DAB1: variants seen among roughly 807,000 people sequenced by gnomAD.
DAB1 encodes the protein disabled homolog 1.
In DAB1, 15 loss-of-function variants were observed where a neutral mutation model predicts 64.6. The ratio of observed to expected loss-of-function variants is 0.23; its 90% CI spans 0.16 to 0.36. DAB1 has a LOEUF of 0.36. DAB1 is among the 10% of genes least tolerant of loss of function. The pLI, the probability that DAB1 is intolerant of heterozygous loss-of-function variation, is 1.00. For synonymous variants in DAB1, 235 were observed against 251.9 expected (o/e 0.93, Z 0.64); for missense variants, 596 against 706.7 (o/e 0.84, Z 1.78).
At chr1:57,908,116 G>A (rs995371317) in intron 5 of DAB1, among the ~76,000 whole-genome samples, 3 of 151,910 alleles carry the variant, frequency 2.0e-5, no homozygotes, top group Non-Finnish European at 4.4e-5. Context: ...ATTGTGCAGG[G>A]CATGACTAAA....
intron 4 of DAB1, among the ~76,000 whole-genome samples, chr1:58,175,927 A>T (rs916595229): frequency 1.3e-5 from 2 of 152,214 alleles, no homozygotes; most frequent in African/African-American, 2.4e-5. Context: ...CCAAGGTTTT[A>T]AAAAGGAAGC....
intron 7 of DAB1, among the ~76,000 whole-genome samples, chr1:57,431,470 T>A (rs894544977): frequency 1.3e-5 from 2 of 152,134 alleles, no homozygotes; most frequent in Admixed American, 1.3e-4. Context: ...AATGAAAAAA[T>A]ATTTCTATGC....
intron 4 of DAB1, among the ~76,000 whole-genome samples, chr1:57,096,768 G>A (rs978458886): frequency 6.6e-6 from 1 of 152,042 alleles, no homozygotes; most frequent in Admixed American, 6.6e-5. Context: ...TGCCTGCATT[G>A]TTCACTACTA....
intron 4 of DAB1, among the ~76,000 whole-genome samples, chr1:58,312,626 T>C (rs190124205): frequency 1.5e-3 from 232 of 152,294 alleles, no homozygotes; most frequent in Middle Eastern, 6.8e-3. Context: ...TGAGAGTCAA[T>C]GCAAAGGGTG....
intron 1 of DAB1, among the ~76,000 whole-genome samples, chr1:57,416,607 C>G (rs987269403): frequency 2.6e-5 from 4 of 152,104 alleles, no homozygotes; most frequent in Non-Finnish European, 4.4e-5. Context: ...TATTATAATT[C>G]ACTCCCAAAT....
intron 14 of DAB1, among the ~76,000 whole-genome samples, chr1:57,006,369 T>C (rs1277716695): frequency 6.6e-6 from 1 of 152,234 alleles, no homozygotes; most frequent in Admixed American, 6.5e-5. Context: ...ATGCTGCTTG[T>C]GTTCCTTAGC....
intron 3 of DAB1, among the ~76,000 whole-genome samples, chr1:57,139,941 G>A (rs1008551074): frequency 5.3e-5 from 8 of 152,230 alleles, no homozygotes; most frequent in African/African-American, 1.9e-4. Flanking sequence ...TATCTTTGGG[G>A]AAAGAAAAGT....
chr1:57,151,876 C>T (rs1432618059), intron 2 of DAB1, among the ~76,000 whole-genome samples: 2 of 137,400 alleles, frequency 1.5e-5, no homozygotes, highest in South Asian at 2.3e-4. Context: ...TGCAGTAGCT[C>T]GATCTCTGCT....
At chr1:58,228,014 G>A (rs1184800822) in intron 4 of DAB1, among the ~76,000 whole-genome samples, 1 of 152,220 alleles carries the variant, frequency 6.6e-6, no homozygotes, top group Non-Finnish European at 1.5e-5. Flanking sequence ...TGGACTCCCT[G>A]AGGCGAGGGT....
chr1:58,306,796 G>C (rs903954095), intron 4 of DAB1, among the ~76,000 whole-genome samples: 1 of 152,168 alleles, frequency 6.6e-6, no homozygotes, highest in South Asian at 2.1e-4. Flanking sequence ...CATTATTAAT[G>C]CCCACAGTAT....
intron 3 of DAB1, among the ~76,000 whole-genome samples, chr1:58,463,577 C>T (rs374069905): frequency 6.4e-4 from 97 of 152,366 alleles, no homozygotes; most frequent in African/African-American, 2.3e-3. Context: ...CACCCACATA[C>T]TGAGTCTCAT....
chr1:57,233,684 G>C (rs1024523549), intron 2 of DAB1, among the ~76,000 whole-genome samples: 2 of 151,600 alleles, frequency 1.3e-5, no homozygotes, highest in African/African-American at 4.8e-5. Flanking sequence ...GCTTGAACCT[G>C]GGAGGCGGAA....
intron 6 of DAB1, among the ~76,000 whole-genome samples, chr1:57,751,967 G>T (rs1648575100): frequency 6.6e-6 from 1 of 152,258 alleles, no homozygotes; most frequent in Non-Finnish European, 1.5e-5. Flanking sequence ...GACTGAAACA[G>T]AGATGGCTTC....
In DAB1 at chr1:57,602,669, A is replaced by T. The variant is rs554006973; in HGVS notation, n.625+46923T>A. 7.9e-5 allele frequency among the ~76,000 whole-genome samples: 12 copies of T among 152,344 alleles called. No individual in the cohort carries two copies. In the East Asian group the frequency reaches 2.3e-3, roughly 29 times the overall value. On this transcript the variant is annotated intron_variant and non_coding_transcript_variant, in intron 7 of 20. Transcript: ENST00000485760. ...AGGACCAGGCTTATAGAAAAATGAAAGCTAGGACAGATTAAGGTACCTAAG... is the reference window on the plus strand; with the variant it reads ...AGGACCAGGCTTATAGAAAAATGAATGCTAGGACAGATTAAGGTACCTAAG...
At chr1:57,375,080 CT>C (rs1680792875) in intron 1 of DAB1, among the ~76,000 whole-genome samples, 1 of 152,094 alleles carries the variant, frequency 6.6e-6, no homozygotes, top group African/African-American at 2.4e-5. Context: ...GGTCCCAACC[CT>C]TCTCTCTGTC....
At position 57,967,791 on chromosome 1, in the gene DAB1, A is replaced by G. The variant is rs147795546; in HGVS notation, n.388-83629T>C. ...GTTAGAAGAGGGCTCAACTCATAGT[A>G]AGTGTTCAATAAATGACAGGCATTT... On this transcript the variant is annotated intron_variant and non_coding_transcript_variant, in intron 5 of 20. Transcript: ENST00000485760. Among the ~76,000 whole-genome samples, 18 of 152,358 alleles carry G rather than the reference A, an allele frequency of 1.2e-4. 2 individuals carry two copies. In the East Asian group the frequency reaches 3.5e-3, roughly 29 times the overall value.
chr1:58,411,435 C>A (rs547024939), intron 3 of DAB1, among the ~76,000 whole-genome samples: 1 of 152,124 alleles, frequency 6.6e-6, no homozygotes, highest in African/African-American at 2.4e-5. Context: ...CAGTGATATA[C>A]GCAAGTAAAC....
intron 4 of DAB1, among the ~76,000 whole-genome samples, chr1:58,187,367 C>T (rs537689065): frequency 1.1e-4 from 17 of 150,328 alleles, no homozygotes; most frequent in African/African-American, 3.9e-4. Flanking sequence ...GTCCCAGTTA[C>T]TCAGGAAGTT....
rs1328512330 is a variant in DAB1, at chr1:57,166,546, A to T, written c.68-21117T>A. On this transcript the variant is annotated intron_variant, in intron 2 of 14. Transcript: ENST00000371236. ...CCCAGGAATAACTAGCATATATATT[A>T]TACTGGGCAGTATCATAGGGGTTTG... Among the ~76,000 whole-genome samples, 4 of 152,314 alleles carry T rather than the reference A, an allele frequency of 2.6e-5. No homozygotes were observed. The East Asian group carries it at 7.7e-4, about 29-fold the overall frequency.
Sources: allele counts gnomAD v4.1 joint callset (sites outside exome capture counted in the v4.1 genomes callset), GRCh38; gene constraint gnomAD v4.1.1; transcripts MANE v1.5; gene names NCBI Gene and HGNC (gene_info 2026-07-23, HGNC 2026-07-21).